The following COL4A5 variants were observed in gnomAD, a reference collection of about 807,000 sequenced individuals.
COL4A5 encodes the protein collagen type IV alpha 5 chain, also known as collagen alpha-5(IV) chain.
COL4A5 carries 26 observed loss-of-function variants against 130.2 expected under a neutral mutation model. The observed-to-expected ratio is 0.20, with a 90% CI of 0.15 to 0.28. The LOEUF is 0.28. COL4A5 is among the 10% of genes least tolerant of loss of function. COL4A5 has a pLI of 1.00. For synonymous variants in COL4A5, 496 were observed against 439.6 expected, an observed-to-expected ratio of 1.13 and a Z score of -1.60; for missense variants, 1,131 against 1,344.3, an observed-to-expected ratio of 0.84 and a Z score of 2.48.
chrX:108,573,132 T>C (rs1471238325), intron 8 of COL4A5, among the ~76,000 whole-genome samples: 1 of 110,586 alleles, frequency 9.0e-6, no homozygotes, highest in Non-Finnish European at 1.9e-5. Context: ...TTTTTTTTTT[T>C]CAATTATTGT....
rs375568525 is a variant in COL4A5 at position 108,578,045 on chromosome X, G to A, written c.646-33G>A. Reference sequence around the variant, plus strand: ...GTGTGGATTCCTTTTCTTACTGTCAGTGAGATTTTTAAATGGAAACTTCTC... The same window carrying A: ...GTGTGGATTCCTTTTCTTACTGTCAATGAGATTTTTAAATGGAAACTTCTC... On this transcript the variant is annotated intron_variant, in intron 11 of 52. Coordinates refer to ENST00000328300, the MANE Select transcript of COL4A5 (RefSeq NM_033380.3). 8 of 1,204,204 alleles carry A rather than the reference G, an allele frequency of 6.6e-6. No homozygotes were observed. In the African/African-American group the frequency reaches 1.2e-4, roughly 19 times the overall value.
intron 1 of COL4A5, among the ~76,000 whole-genome samples, chrX:108,444,182 T>C: frequency 9.1e-6 from 1 of 110,213 alleles, no homozygotes; most frequent in Non-Finnish European, 1.9e-5. Context: ...AGCACCCTCT[T>C]ACTTTCTGGC....
At chrX:108,550,913 A>T (rs988570571) in intron 2 of COL4A5, among the ~76,000 whole-genome samples, 1 of 111,502 alleles carries the variant, frequency 9.0e-6, no homozygotes, top group African/African-American at 3.3e-5. Flanking sequence ...CTGTTCAATA[A>T]ATGGTGCTGT....
intron 1 of COL4A5, among the ~76,000 whole-genome samples, chrX:108,449,813 C>T (rs1427875014): frequency 2.7e-5 from 3 of 111,654 alleles, no homozygotes; most frequent in Non-Finnish European, 3.8e-5. Flanking sequence ...GGCTTCTCCC[C>T]GTGACATAAT....
chrX:108,636,535 TG>T (rs900462618), intron 36 of COL4A5, among the ~76,000 whole-genome samples: 2 of 110,688 alleles, frequency 1.8e-5, no homozygotes, highest in Admixed American at 2.0e-4. Flanking sequence ...AGAAAATATT[TG>T]CAAATCATAT....
At chrX:108,481,848 G>A (rs1389597552) in intron 1 of COL4A5, among the ~76,000 whole-genome samples, 1 of 111,435 alleles carries the variant, frequency 9.0e-6, no homozygotes, top group East Asian at 2.8e-4. Flanking sequence ...CAAGGCATTG[G>A]TCAAGGGTAT....
At chrX:108,626,511 A>G (rs1205046215) in intron 36 of COL4A5, 162 bp downstream of exon 36, 2 of 1,152,605 alleles carry the variant, frequency 1.7e-6, no homozygotes, top group African/African-American at 3.6e-5. Flanking sequence ...ATAAGAAGAT[A>G]TGTTTTAGGG....
At chrX:108,540,154 C>T (rs2065514840) in intron 2 of COL4A5, among the ~76,000 whole-genome samples, 2 of 111,248 alleles carry the variant, frequency 1.8e-5, no homozygotes, top group Non-Finnish European at 3.8e-5. Flanking sequence ...ACCTCTTTCC[C>T]GTAACATATT....
At chrX:108,506,006 T>G (rs1040736942) in intron 1 of COL4A5, among the ~76,000 whole-genome samples, 7 of 112,226 alleles carry the variant, frequency 6.2e-5, no homozygotes, top group Non-Finnish European at 1.3e-4. Flanking sequence ...ACTCTTGAAC[T>G]TAAACATATT....
intron 51 of COL4A5, 77 bp from the exon 52 acceptor site, chrX:108,695,190 C>T: frequency 8.6e-7 from 1 of 1,160,199 alleles, no homozygotes; most frequent in Non-Finnish European, 1.2e-6. Context: ...TGGCCAAGCT[C>T]AGCACACATC....
intron 36 of COL4A5, among the ~76,000 whole-genome samples, chrX:108,631,507 A>G (rs1266531574): frequency 1.8e-5 from 2 of 110,556 alleles, no homozygotes; most frequent in African/African-American, 3.3e-5. Context: ...AGAACTCTTC[A>G]CCCCAATCAA....
intron 1 of COL4A5, among the ~76,000 whole-genome samples, chrX:108,478,918 G>A (rs1428325168): frequency 2.7e-5 from 3 of 112,019 alleles, no homozygotes; most frequent in African/African-American, 9.7e-5. Context: ...TGGTCACCCC[G>A]AGGAATGGTG....
At chrX:108,465,274 A>C (rs2064694778) in intron 1 of COL4A5, among the ~76,000 whole-genome samples, 2 of 112,430 alleles carry the variant, frequency 1.8e-5, no homozygotes, top group African/African-American at 6.4e-5. Context: ...GCAGTTTATA[A>C]GACTTTTTTA....
chrX:108,474,015 T>C (rs1246340166), intron 1 of COL4A5, among the ~76,000 whole-genome samples: 1 of 111,512 alleles, frequency 9.0e-6, no homozygotes, highest in Admixed American at 9.5e-5. Flanking sequence ...GCTAAAACAA[T>C]TCTAAAAAGT....
intron 2 of COL4A5, among the ~76,000 whole-genome samples, chrX:108,558,746 A>T (rs1247202948): frequency 9.0e-6 from 1 of 110,916 alleles, no homozygotes; most frequent in Non-Finnish European, 1.9e-5. Context: ...ACCCTTACAG[A>T]TCTGGTTTCC....
rs372533688 is a variant in COL4A5, at chrX:108,542,793, C to T, written c.141+2988C>T. On this transcript the variant is annotated intron_variant, in intron 2 of 52. Transcript: ENST00000328300. Reference sequence around the variant, plus strand: ...TGTTGTTTCCTGACTTTTTAATGATCGCCATTCTAACTGGTGTGAGATGGT... The same window carrying T: ...TGTTGTTTCCTGACTTTTTAATGATTGCCATTCTAACTGGTGTGAGATGGT... Among the ~76,000 whole-genome samples the T allele has an allele frequency of 5.9e-4, 61 of 104,184 alleles. 1 individual carries two copies. Among genetic ancestry groups the T allele is most frequent in the Admixed American group, 9.0e-4 (9 of 9,962 alleles). The allele number at this position is 104,184 out of a possible 115,157, so 90.5% of individuals were successfully genotyped here.
intron 27 of COL4A5, 87 bp from the exon 28 acceptor site, chrX:108,602,877 A>G (rs111281002): frequency 2.5e-5 from 16 of 630,010 alleles, no homozygotes; most frequent in African/African-American, 2.0e-4. Flanking sequence ...GTCACTAAGC[A>G]TGAGTAGAAT....
Position 108,440,243 on chromosome X carries a change from C to A in COL4A5, c.81+37C>A, listed in dbSNP as rs184599590. The A allele has an allele frequency of 4.1e-6, 4 of 971,164 alleles. No individual in the cohort carries two copies. In the South Asian group the frequency reaches 7.9e-5, roughly 19 times the overall value. 80.0% of individuals were successfully genotyped at this position (971,164 alleles called of 1,213,427 possible). A position where few individuals can be genotyped will look rare whatever the true frequency, so the allele number is the denominator to read the frequency against. ...CTCCCCTCCCCCGCGCCCATCACCG[C>A]TCTTTCACGCTGAAATTACCTTTTT... On this transcript the variant is annotated intron_variant, in intron 1 of 52. Coordinates refer to ENST00000328300, the MANE Select transcript of COL4A5 (RefSeq NM_033380.3).
intron 1 of COL4A5, among the ~76,000 whole-genome samples, chrX:108,461,556 T>A (rs1282845272): frequency 8.9e-6 from 1 of 112,039 alleles, no homozygotes; most frequent in East Asian, 2.8e-4. Flanking sequence ...CATGTCTACT[T>A]CTTCATCTGT....
Sources: gnomAD v4.1 joint callset for allele counts (sites outside exome capture counted in the v4.1 genomes callset) on GRCh38, gnomAD v4.1.1 for gene constraint, MANE v1.5 for transcripts, NCBI Gene and HGNC (gene_info 2026-07-23, HGNC 2026-07-21) for gene names.